Variants in SLC43A3 observed in about 807,000 individuals in gnomAD.
The protein encoded by SLC43A3 is equilibrative nucleobase transporter 1.
SLC43A3 carries 33 observed loss-of-function variants against 53.3 expected under a neutral mutation model. That is an observed-to-expected ratio of 0.62 (90% confidence interval 0.47 to 0.83). SLC43A3 has a LOEUF of 0.83. Ranked by LOEUF, SLC43A3 falls within the 40% of genes least tolerant of loss-of-function variation. The probability of loss-of-function intolerance (pLI) is 0.00; values close to 1 mark genes in which losing one functional copy is unlikely to be tolerated. For synonymous variants in SLC43A3, 236 were observed against 246.2 expected, an observed-to-expected ratio of 0.96 and a Z score of 0.39; for missense variants, 530 against 610.0, an observed-to-expected ratio of 0.87 and a Z score of 1.38.
intron 6 of SLC43A3, 63 bp downstream of exon 6, chr11:57,421,234 T>C: frequency 6.9e-7 from 1 of 1,443,368 alleles, no homozygotes; most frequent in South Asian, 1.2e-5. Context: ...TAGAAAAGGG[T>C]CTCTCCTTCC....
rs778721363 is a variant in SLC43A3 at position 57,426,372 on chromosome 11, G to A, written c.-180-20C>T. ...TGGATCCTGTAGAATAAAGATAGAG[G>A]CTGCTGGAAGAGGAGGCCTGCGGGA... On this transcript the variant is annotated intron_variant, in intron 2 of 13. Coordinates refer to ENST00000395124, the MANE Select transcript of SLC43A3 (RefSeq NM_199329.3). The A allele has an allele frequency of 1.2e-5, 7 of 583,120 alleles. No individual in the cohort carries two copies. The highest frequency in any genetic ancestry group is 2.1e-5 in the Non-Finnish European group (7 of 328,950). The allele number at this position is 583,120 out of a possible 1,614,324, so 36.1% of individuals were successfully genotyped here.
At chr11:57,409,876 C>T (rs1161403373) in intron 12 of SLC43A3, 59 bp downstream of exon 12, 10 of 1,481,986 alleles carry the variant, frequency 6.7e-6, no homozygotes, top group African/African-American at 2.8e-5. Flanking sequence ...TTCTTTACCT[C>T]CAGCTTCTCT....
chr11:57,425,712 G>C, intron 3 of SLC43A3, 42 bp from the exon 4 acceptor site: 1 of 1,610,830 alleles, frequency 6.2e-7, no homozygotes, highest in Non-Finnish European at 8.5e-7. Context: ...CAGCCTTCCT[G>C]CCAAATGAGC....
chr11:57,419,790 C>T (rs1286571593), intron 7 of SLC43A3, among the ~76,000 whole-genome samples: 1 of 102,318 alleles, frequency 9.8e-6, no homozygotes. Flanking sequence ...AGTGAGACTC[C>T]AACTCAATAA....
chr11:57,421,413 C>T (rs1216886091), intron 5 of SLC43A3, 40 bp from the exon 6 acceptor site: 1 of 1,493,948 alleles, frequency 6.7e-7, no homozygotes, highest in Non-Finnish European at 9.3e-7. Flanking sequence ...TGTCATAGTG[C>T]AACCCAAACA....
chr11:57,419,105 G>A (rs1290495212), intron 7 of SLC43A3, among the ~76,000 whole-genome samples: 3 of 151,818 alleles, frequency 2.0e-5, no homozygotes, highest in Non-Finnish European at 4.4e-5. Flanking sequence ...GTCCTCATAC[G>A]ACCCATCCCC....
rs1942263362 is a variant in SLC43A3, at chr11:57,407,659, T to C, written c.*133A>G. On this transcript the variant is annotated 3_prime_UTR_variant, in exon 14 of 14. Coordinates refer to ENST00000395124, the MANE Select transcript of SLC43A3 (RefSeq NM_199329.3). ...TGCTGCGCAGACGTCCTTGTGTGTC[T>C]TTATTTTGTGTGTGTGTGTGTGTGT... The C allele has an allele frequency of 1.7e-6, 1 of 583,000 alleles. No individual in the cohort carries two copies. Among genetic ancestry groups the C allele is most frequent in the Admixed American group, 3.1e-5 (1 of 31,908 alleles). The allele number at this position is 583,000 out of a possible 1,614,324, so 36.1% of individuals were successfully genotyped here.
At chr11:57,424,070 G>A in intron 4 of SLC43A3, 42 bp from the exon 5 acceptor site, 1 of 1,592,278 alleles carries the variant, frequency 6.3e-7, no homozygotes, top group Non-Finnish European at 8.6e-7. Flanking sequence ...GTCAAGGAGG[G>A]AGAAACCTGG....
rs1181256914 is a variant in SLC43A3 at position 57,424,028 on chromosome 11, T to TTC, written c.315-1_315insGA (p.Ile105MetfsTer12). 1 of 1,613,704 alleles carries TTC rather than the reference T, an allele frequency of 6.2e-7. No individual in the cohort carries two copies. Among genetic ancestry groups the TTC allele is most frequent in the Non-Finnish European group, 8.5e-7 (1 of 1,179,856 alleles). On this transcript the variant is annotated frameshift_variant and splice_region_variant. Transcript: ENST00000395124. LOFTEE classifies it high-confidence loss of function. ...TGAGTGTGGCGGTGGTGTAGAAAAA[T>TTC]CTGAAACACATAACAGGAAAAGCAG... is the stretch of plus-strand genomic sequence containing the variant.
chr11:57,425,273 G>T (rs916036544), intron 4 of SLC43A3, among the ~76,000 whole-genome samples: 1 of 152,322 alleles, frequency 6.6e-6, no homozygotes, highest in South Asian at 2.1e-4. Context: ...CCTGGCCTCC[G>T]GCTCAATTCA....
In SLC43A3 at chr11:57,426,452, A is replaced by G. The variant is rs1943201239; in HGVS notation, c.-180-100T>C. On this transcript the variant is annotated intron_variant, in intron 2 of 13. Transcript: ENST00000395124. ...AGGTGCATTAAGAGGCAGGATGATC[A>G]TGGCCGCTGGCAGCAAATGTGGGGA... The G allele has an allele frequency of 8.8e-6, 4 of 456,824 alleles. No individual in the cohort carries two copies. The Admixed American group carries it at 1.4e-4, about 16-fold the overall frequency. 28.3% of individuals were successfully genotyped at this position (456,824 alleles called of 1,614,324 possible).
At chr11:57,409,593 T>A (rs1048433808) in intron 12 of SLC43A3, among the ~76,000 whole-genome samples, 1 of 152,142 alleles carries the variant, frequency 6.6e-6, no homozygotes, top group Non-Finnish European at 1.5e-5. Context: ...ATGCACGCAC[T>A]AGCAAAGGAA....
intron 5 of SLC43A3, among the ~76,000 whole-genome samples, chr11:57,422,062 C>G (rs988605109): frequency 6.6e-6 from 1 of 152,210 alleles, no homozygotes; most frequent in Non-Finnish European, 1.5e-5. Context: ...CTAGGGGAAC[C>G]CTTGACAAAT....
At chr11:57,426,496 C>CA (rs1370410226) in intron 2 of SLC43A3, 92 bp downstream of exon 2, 1 of 294,020 alleles carries the variant, frequency 3.4e-6, no homozygotes, top group Non-Finnish European at 6.5e-6. Context: ...TCCAATACAT[C>CA]ATCTTAGGCA....
At chr11:57,415,535 T>A (rs1214534094) in intron 9 of SLC43A3, 2 of 542,808 alleles carry the variant, frequency 3.7e-6, no homozygotes, top group East Asian at 1.4e-4. Flanking sequence ...CTGAGTTTCT[T>A]TGGGAAATCT....
Position 57,415,025 on chromosome 11 carries a change from AC to A in SLC43A3, c.850del (p.Val284CysfsTer5). The A allele has an allele frequency of 6.2e-7, 1 of 1,614,208 alleles. No homozygotes were observed. The highest frequency in any genetic ancestry group is 1.6e-4 in the Middle Eastern group (1 of 6,062). ...CCACAACTGTATCACAGACAGCCACACCAGGTGCCAGGCAAAGCGCCGAGAG... is the reference window on the plus strand; with the variant it reads ...CCACAACTGTATCACAGACAGCCACACAGGTGCCAGGCAAAGCGCCGAGAG... ...AFSRRFAWHL[V>X]WLSVIQLWHY... On this transcript the variant is annotated frameshift_variant, in exon 10 of 14. Transcript: ENST00000395124. LOFTEE classifies it high-confidence loss of function.
chr11:57,410,241 AC>A (rs750301060), intron 11 of SLC43A3, 120 bp from the exon 12 acceptor site: 1 of 753,298 alleles, frequency 1.3e-6, no homozygotes, highest in Non-Finnish European at 2.1e-6. Flanking sequence ...CCCAACAGAA[AC>A]CTGGGAGTCA....
rs3832767 is a variant in SLC43A3 at position 57,407,665 on chromosome 11, TTGTGTGTGTG to T, written c.*117_*126del. 4.7e-3 allele frequency: 2,650 copies of T among 566,670 alleles called. 50 individuals carry two copies. Among genetic ancestry groups the T allele is most frequent in the African/African-American group, 0.046 (2,433 of 52,734 alleles). 35.1% of individuals were successfully genotyped at this position (566,670 alleles called of 1,614,324 possible). On this transcript the variant is annotated 3_prime_UTR_variant, in exon 14 of 14. Coordinates refer to ENST00000395124, the MANE Select transcript of SLC43A3 (RefSeq NM_199329.3). ...GCAGACGTCCTTGTGTGTCTTTATTTTGTGTGTGTGTGTGTGTGTGTGTGTGTTTTGCTGG... is the reference window on the plus strand; with the variant it reads ...GCAGACGTCCTTGTGTGTCTTTATTTTGTGTGTGTGTGTGTGTTTTGCTGG...
chr11:57,425,957 A>C, intron 3 of SLC43A3, 32 bp downstream of exon 3: 1 of 1,601,462 alleles, frequency 6.2e-7, no homozygotes, highest in Non-Finnish European at 8.5e-7. Flanking sequence ...AGCCAGACTT[A>C]ACTTCCTTAG....
Sources: gnomAD v4.1 joint callset for allele counts (sites outside exome capture counted in the v4.1 genomes callset) on GRCh38, gnomAD v4.1.1 for gene constraint, MANE v1.5 for transcripts, NCBI Gene and HGNC (gene_info 2026-07-23, HGNC 2026-07-21) for gene names.